Variants in KANSL1 observed in about 807,000 individuals in gnomAD.
KANSL1 encodes the protein MLL1/MLL complex subunit KANSL1.
Under a neutral mutation model 103.6 loss-of-function variants are expected in KANSL1, and 22 were observed. The ratio of observed to expected loss-of-function variants is 0.21; its 90% CI spans 0.15 to 0.30. The LOEUF is 0.30. Among genes scored for constraint, KANSL1 ranks in the 10% least tolerant of loss-of-function variants. KANSL1 has a pLI of 1.00. For missense variants in KANSL1, 1,337 were observed against 1,399.8 expected (o/e 0.96, Z 0.72); for synonymous variants, 600 against 527.6 (o/e 1.14, Z -1.88).
At chr17:46,169,774 G>C (rs1473656346) in intron 2 of KANSL1, among the ~76,000 whole-genome samples, 1 of 152,166 alleles carries the variant, frequency 6.6e-6, no homozygotes, top group Non-Finnish European at 1.5e-5. Flanking sequence ...TAAGTACATA[G>C]ATGCTGAATT....
Position 46,185,734 on chromosome 17 carries a change from CGG to C in KANSL1, c.-90+7087_-90+7088del, listed in dbSNP as rs2047001395. Among the ~76,000 whole-genome samples the C allele has an allele frequency of 2.2e-4, 32 of 145,788 alleles. No individual in the cohort carries two copies. The South Asian group carries it at 6.7e-3, about 31-fold the overall frequency. ...ACACACACACACACACACACACACACGGATAGGCTAGGCCCCATGGCTCATGC... is the reference window on the plus strand; with the variant it reads ...ACACACACACACACACACACACACACATAGGCTAGGCCCCATGGCTCATGC... On this transcript the variant is annotated intron_variant, in intron 1 of 14. Transcript: ENST00000432791.
At chr17:46,033,372 T>A in intron 12 of KANSL1, 31 bp downstream of exon 12, 1 of 1,597,332 alleles carries the variant, frequency 6.3e-7, no homozygotes, top group Non-Finnish European at 8.6e-7. Context: ...TGTACACACG[T>A]GTTCTTCTAA....
intron 2 of KANSL1, among the ~76,000 whole-genome samples, chr17:46,143,803 C>CAAAAAA (rs57361021): frequency 4.6e-4 from 39 of 85,510 alleles, no homozygotes; most frequent in Non-Finnish European, 5.9e-4. Flanking sequence ...GACTCCATCT[C>CAAAAAA]AAAAAAAAAA....
intron 4 of KANSL1, among the ~76,000 whole-genome samples, chr17:46,078,415 G>A (rs1364921412): frequency 6.6e-6 from 1 of 152,226 alleles, no homozygotes; most frequent in Non-Finnish European, 1.5e-5. Context: ...GTGCAGGTCA[G>A]GGGTGAGCAC....
chr17:46,106,317 A>G (rs777733496), intron 2 of KANSL1, among the ~76,000 whole-genome samples: 3 of 152,208 alleles, frequency 2.0e-5, no homozygotes, highest in Non-Finnish European at 2.9e-5. Context: ...TGCCTGAGAG[A>G]GTTAAGTCTC....
intron 1 of KANSL1, among the ~76,000 whole-genome samples, chr17:46,177,023 T>C (rs1221901751): frequency 2.0e-5 from 3 of 152,330 alleles, no homozygotes; most frequent in African/African-American, 2.4e-5. Context: ...CGAAATACTA[T>C]GCTAAGATTC....
chr17:46,138,209 A>G (rs2044249759), intron 2 of KANSL1, among the ~76,000 whole-genome samples: 1 of 152,216 alleles, frequency 6.6e-6, no homozygotes, highest in Non-Finnish European at 1.5e-5. Context: ...CTCAAAGGTA[A>G]TGTTTATTGA....
chr17:46,166,283 G>A (rs1350953367), intron 2 of KANSL1, among the ~76,000 whole-genome samples: 1 of 151,950 alleles, frequency 6.6e-6, no homozygotes, highest in Non-Finnish European at 1.5e-5. Context: ...AGGCCAAGGC[G>A]GGTAGATCAC....
chr17:46,034,146 ATTCTGAGC>A lies in KANSL1; in HGVS notation c.2666+7_2666+14del. 6.2e-7 allele frequency: 1 copy of A among 1,613,282 alleles called. No individual in the cohort carries two copies. Among genetic ancestry groups the A allele is most frequent in the Non-Finnish European group, 8.5e-7 (1 of 1,179,582 alleles). On this transcript the variant is annotated splice_region_variant and intron_variant, in intron 11 of 14. Coordinates refer to ENST00000432791, the MANE Select transcript of KANSL1 (RefSeq NM_015443.4). ...GGAAGAATGGGGAGAGGAGCCAACTATTCTGAGCTTCTACCTGGGCGTAAGGATTTCCT... is the reference window on the plus strand; with the variant it reads ...GGAAGAATGGGGAGAGGAGCCAACTATTCTACCTGGGCGTAAGGATTTCCT...
At chr17:46,034,465 C>T (rs995550751) in intron 10 of KANSL1, 180 bp from the exon 11 acceptor site, 30 of 568,754 alleles carry the variant, frequency 5.3e-5, no homozygotes, top group African/African-American at 2.5e-4. Flanking sequence ...AAAAACCTCA[C>T]GGAGAAATAC....
intron 6 of KANSL1, among the ~76,000 whole-genome samples, chr17:46,065,456 C>A (rs1008607672): frequency 2.0e-5 from 3 of 152,040 alleles, no homozygotes; most frequent in African/African-American, 4.8e-5. Context: ...AATGAATGAA[C>A]AACAACAAAA....
At chr17:46,172,735 A>G (rs1378558219) in intron 1 of KANSL1, among the ~76,000 whole-genome samples, 1 of 152,246 alleles carries the variant, frequency 6.6e-6, no homozygotes, top group Non-Finnish European at 1.5e-5. Flanking sequence ...TCACTTCTCT[A>G]GAAGTATAGA....
intron 1 of KANSL1, among the ~76,000 whole-genome samples, chr17:46,208,101 A>G (rs2458193): frequency 0.14 from 21,983 of 151,768 alleles, 2,188 homozygotes; most frequent in Middle Eastern, 0.22. Context: ...AAAGGCAAAA[A>G]TCCGTCTCAA....
chr17:46,178,578 G>C (rs1365514329), intron 1 of KANSL1, among the ~76,000 whole-genome samples: 1 of 152,210 alleles, frequency 6.6e-6, no homozygotes, highest in Non-Finnish European at 1.5e-5. Flanking sequence ...ACAGATAAAA[G>C]AAAAGGCTAC....
At chr17:46,213,916 T>TAAA (rs77233059) in intron 1 of KANSL1, among the ~76,000 whole-genome samples, 4 of 145,930 alleles carry the variant, frequency 2.7e-5, no homozygotes, top group Admixed American at 6.8e-5. Flanking sequence ...AGACTCCATT[T>TAAA]AAAAAAAAAA....
At chr17:46,123,083 A>AC (rs1555556069) in intron 2 of KANSL1, among the ~76,000 whole-genome samples, 46 of 152,316 alleles carry the variant, frequency 3.0e-4, no homozygotes, top group Middle Eastern at 3.4e-3. Context: ...AAAGAAAAGA[A>AC]TTTTTTTTAG....
At chr17:46,049,096 A>C (rs2077615011) in intron 7 of KANSL1, among the ~76,000 whole-genome samples, 1 of 143,810 alleles carries the variant, frequency 7.0e-6, no homozygotes, top group Non-Finnish European at 1.5e-5. Context: ...CTAAGAGAAG[A>C]CTTGGTTGAT....
chr17:46,196,972 G>A (rs912496514), upstream of KANSL1, among the ~76,000 whole-genome samples: 7 of 152,062 alleles, frequency 4.6e-5, no homozygotes, highest in Non-Finnish European at 7.3e-5. Context: ...AAATTTAGCC[G>A]GGGGTGGTGG....
At chr17:46,147,572 TAAAAAAAAAAAAAAA>T (rs10717937) in intron 2 of KANSL1, among the ~76,000 whole-genome samples, 16,221 of 104,254 alleles carry the variant, frequency 0.16, 30 homozygotes, top group Admixed American at 0.21. Context: ...TGAGACTCTT[TAAAAAAAAAAAAAAA>T]AAAAAAAAAG....
Sources: gnomAD v4.1 joint callset for allele counts (sites outside exome capture counted in the v4.1 genomes callset) on GRCh38, gnomAD v4.1.1 for gene constraint, MANE v1.5 for transcripts, NCBI Gene and HGNC (gene_info 2026-07-23, HGNC 2026-07-21) for gene names.